Variants in STRBP observed in about 807,000 individuals in gnomAD.
The protein encoded by STRBP is spermatid perinuclear RNA-binding protein.
In STRBP, 13 loss-of-function variants were observed where a neutral mutation model predicts 80.1. That is an observed-to-expected ratio of 0.16 (90% CI 0.11 to 0.26). STRBP has a LOEUF of 0.26. STRBP is among the 10% of genes least tolerant of loss of function. The pLI, the probability that STRBP is intolerant of heterozygous loss-of-function variation, is 1.00. For synonymous variants in STRBP, 284 were observed against 291.2 expected (o/e 0.98, Z 0.25); for missense variants, 485 against 815.2 (o/e 0.59, Z 4.93).
Position 123,110,212 on chromosome 9 carries a change from AGCAAGTCCTACAG to A in STRBP, c.*85-472_*85-460del, listed in dbSNP as rs1257365179. ...AGAGTTCTGCTTGGAGCCGCTGAGA[AGCAAGTCCTACAG>A]GCTCCACTCCTGCAGGACCACTACA... On this transcript the variant is annotated intron_variant and NMD_transcript_variant, in intron 3 of 3. Transcript: ENST00000471564. The surrounding 1 kb of genome is among the most constrained non-coding windows in gnomAD (Gnocchi z 4.1). 6.6e-6 allele frequency: 1 copy of A among 152,344 alleles called. No homozygotes were observed. The highest frequency in any genetic ancestry group is 2.4e-5 in the African/African-American group (1 of 41,384). 9.4% of individuals were successfully genotyped at this position (152,344 alleles called of 1,614,324 possible).
intron 14 of STRBP, among the ~76,000 whole-genome samples, chr9:123,137,119 G>T (rs908754264): frequency 6.6e-6 from 1 of 152,156 alleles, no homozygotes; most frequent in East Asian, 1.9e-4. Context: ...GCAAAATAAC[G>T]TATGTTAAAG....
At chr9:123,135,649 G>C (rs560107178) in intron 16 of STRBP, among the ~76,000 whole-genome samples, 93 of 152,250 alleles carry the variant, frequency 6.1e-4, no homozygotes, top group Non-Finnish European at 1.2e-3. Flanking sequence ...CAAAGGAACT[G>C]GAAGAGCACC....
At chr9:123,180,710 G>A (rs1276185940) in intron 3 of STRBP, among the ~76,000 whole-genome samples, 3 of 152,128 alleles carry the variant, frequency 2.0e-5, no homozygotes, top group Non-Finnish European at 4.4e-5. Context: ...ATACACTCAT[G>A]AGTCACACAT....
intron 2 of STRBP, among the ~76,000 whole-genome samples, chr9:123,221,020 T>C (rs1241433446): frequency 2.0e-5 from 3 of 151,710 alleles, no homozygotes; most frequent in Non-Finnish European, 4.4e-5. Flanking sequence ...TTTATAGAGA[T>C]TTTTTTTAAG....
At chr9:123,159,935 A>G (rs2037452600) in intron 8 of STRBP, among the ~76,000 whole-genome samples, 1 of 152,232 alleles carries the variant, frequency 6.6e-6, no homozygotes, top group Non-Finnish European at 1.5e-5. Flanking sequence ...CCACTCAAAG[A>G]GAAAGCTACA....
intron 2 of STRBP, among the ~76,000 whole-genome samples, chr9:123,187,676 T>G (rs2038752160): frequency 6.6e-6 from 1 of 152,166 alleles, no homozygotes; most frequent in Admixed American, 6.5e-5. Context: ...TAATGGACAT[T>G]ATTTTCTAGA....
Position 123,124,693 on chromosome 9 carries a change from A to G in STRBP, c.*904T>C. ...AATATCTTACAGAGTGAAGAAGGCC[A>G]CAAGAACAAGAGAGGGTGATTGATT... On this transcript the variant is annotated 3_prime_UTR_variant, in exon 19 of 19. Coordinates refer to ENST00000348403, the MANE Select transcript of STRBP (RefSeq NM_018387.5). 1 of 985,488 alleles carries G rather than the reference A, an allele frequency of 1.0e-6. No individual in the cohort carries two copies. Among genetic ancestry groups the G allele is most frequent in the Non-Finnish European group, 1.2e-6 (1 of 829,936 alleles). The allele number at this position is 985,488 out of a possible 1,614,324, so 61.0% of individuals were successfully genotyped here.
intron 14 of STRBP, among the ~76,000 whole-genome samples, chr9:123,138,183 A>T (rs563559464): frequency 2.0e-5 from 3 of 152,354 alleles, no homozygotes; most frequent in African/African-American, 7.2e-5. Flanking sequence ...TGTAGCTGCT[A>T]CTAGTGCAGC....
At chr9:123,151,319 C>T (rs1754720381) in intron 11 of STRBP, among the ~76,000 whole-genome samples, 1 of 152,084 alleles carries the variant, frequency 6.6e-6, no homozygotes, top group African/African-American at 2.4e-5. Flanking sequence ...TAATAACAAA[C>T]AACATCTGAA....
Position 123,184,143 on chromosome 9 carries a change from A to C in STRBP, c.-9T>G. 6.2e-7 allele frequency: 1 copy of C among 1,609,432 alleles called. No individual in the cohort carries two copies. The highest frequency in any genetic ancestry group is 8.5e-7 in the Non-Finnish European group (1 of 1,177,362). On this transcript the variant is annotated 5_prime_UTR_variant, in exon 3 of 19. The change creates a premature stop within an existing upstream ORF in the 5' untranslated region. Coordinates refer to ENST00000348403, the MANE Select transcript of STRBP (RefSeq NM_018387.5). ...CCACAATAACCTACCATGGTTTTCT[A>C]TAGTATTTTAGCTTCTTTTTCCGAT...
chr9:123,162,945 A>AT (rs2037587697), intron 6 of STRBP, among the ~76,000 whole-genome samples: 1 of 152,256 alleles, frequency 6.6e-6, no homozygotes, highest in Non-Finnish European at 1.5e-5. Flanking sequence ...TAAAGCTCAC[A>AT]TATCAGATAA....
At chr9:123,129,297 C>T (rs2036031532) in intron 17 of STRBP, among the ~76,000 whole-genome samples, 1 of 152,064 alleles carries the variant, frequency 6.6e-6, no homozygotes, top group Non-Finnish European at 1.5e-5. Context: ...GTCGAGGCTG[C>T]AGTGAGCCAT....
chr9:123,160,287 T>C lies in STRBP; in HGVS notation c.723+80A>G, dbSNP rs889268619. ...CTTAGCTAACTTAGGAGATAGCCATTTTAAAGTAACATCTCATTTCTACAG... is the reference window on the plus strand; with the variant it reads ...CTTAGCTAACTTAGGAGATAGCCATCTTAAAGTAACATCTCATTTCTACAG... On this transcript the variant is annotated intron_variant, in intron 8 of 18. Transcript: ENST00000348403. The C allele has an allele frequency of 1.5e-5, 16 of 1,033,582 alleles. No homozygotes were observed. In the African/African-American group the frequency reaches 2.0e-4, roughly 13 times the overall value. The allele number at this position is 1,033,582 out of a possible 1,614,324, so 64.0% of individuals were successfully genotyped here.
intron 7 of STRBP, 132 bp from the exon 8 acceptor site, chr9:123,160,594 C>A: frequency 1.9e-6 from 1 of 536,148 alleles, no homozygotes; most frequent in Non-Finnish European, 3.0e-6. Context: ...CAATTAATCA[C>A]AAGTAGTAAA....
intron 1 of STRBP, among the ~76,000 whole-genome samples, chr9:123,259,614 C>A (rs1031086391): frequency 6.6e-6 from 1 of 152,150 alleles, no homozygotes; most frequent in Non-Finnish European, 1.5e-5. Flanking sequence ...GAGGCTGAGG[C>A]AGGAGAATTG....
intron 6 of STRBP, among the ~76,000 whole-genome samples, chr9:123,167,112 CT>C (rs926505286): frequency 4.0e-5 from 6 of 149,324 alleles, no homozygotes; most frequent in East Asian, 3.9e-4. Context: ...CTCAACCACT[CT>C]TTTTTTTTTC....
chr9:123,135,288 G>A (rs115037039), intron 16 of STRBP, among the ~76,000 whole-genome samples: 1,877 of 152,066 alleles, frequency 0.012, 9 homozygotes, highest in Admixed American at 0.016. Context: ...TTTTTATTAC[G>A]TTAAGCATTT....
At chr9:123,199,315 A>T (rs1054640882) in intron 2 of STRBP, among the ~76,000 whole-genome samples, 1 of 152,196 alleles carries the variant, frequency 6.6e-6, no homozygotes. Context: ...CAGTAATGTG[A>T]TGCCTCCAGA....
rs1341361027 is a variant in STRBP at position 123,158,141 on chromosome 9, A to G, written c.934-18T>C. 1.3e-6 allele frequency: 2 copies of G among 1,593,180 alleles called. No individual in the cohort carries two copies. Among genetic ancestry groups the G allele is most frequent in the African/African-American group, 1.3e-5 (1 of 74,576 alleles). On this transcript the variant is annotated intron_variant, in intron 10 of 18. Coordinates refer to ENST00000348403, the MANE Select transcript of STRBP (RefSeq NM_018387.5). Reference sequence around the variant, plus strand: ...AGTGCATGCTAAAGAACAAAGTATTATATTTAATCACATTTCAATAGCCAT... The same window carrying G: ...AGTGCATGCTAAAGAACAAAGTATTGTATTTAATCACATTTCAATAGCCAT...
Sources: gnomAD v4.1 joint callset for allele counts (sites outside exome capture counted in the v4.1 genomes callset) on GRCh38, gnomAD v4.1.1 for gene constraint, Gnocchi (gnomAD v3.1) non-coding constraint, MANE v1.5 for transcripts, NCBI Gene and HGNC (gene_info 2026-07-23, HGNC 2026-07-21) for gene names.